Variants in GUCY2D observed in about 807,000 individuals in gnomAD.
The protein encoded by GUCY2D is guanylate cyclase 2D, retinal.
GUCY2D carries 70 observed loss-of-function variants against 101.3 expected under a neutral mutation model. That is an observed-to-expected ratio of 0.69 (90% CI 0.57 to 0.84). GUCY2D has a LOEUF of 0.84. GUCY2D is among the 40% of genes least tolerant of loss of function. The pLI is 0.00. For missense variants in GUCY2D, 1,460 were observed against 1,542.5 expected (o/e 0.95, Z 0.90); for synonymous variants, 688 against 670.7 (o/e 1.03, Z -0.40).
At chr17:8,003,802 T>C in intron 2 of GUCY2D, 34 bp downstream of exon 2, 1 of 1,603,212 alleles carries the variant, frequency 6.2e-7, no homozygotes, top group Non-Finnish European at 8.5e-7. Flanking sequence ...GGAGGTCGGC[T>C]GGTCCTGCCG....
At chr17:8,020,072 C>T (rs1317983188) in intron 19 of GUCY2D, 56 bp from the exon 20 acceptor site, 2 of 150,064 alleles carry the variant, frequency 1.3e-5, no homozygotes, top group African/African-American at 2.5e-5. Flanking sequence ...CAGCGTGTCC[C>T]GGGGCTCACC....
Position 8,002,748 on chromosome 17 carries a change from G to A in GUCY2D, c.-10+14G>A. ...CCGGACTTCCCTGTAAATGTCAGAG[G>A]CCCCTCCGCTGGGATAGGGTCGGTC... is the stretch of plus-strand genomic sequence containing the variant. On this transcript the variant is annotated intron_variant, in intron 1 of 19. Coordinates refer to ENST00000254854, the MANE Select transcript of GUCY2D (RefSeq NM_000180.4). This position sits in a 1 kb window ranked among gnomAD's most constrained non-coding sequence, Gnocchi z 4.9. 1 of 376,666 alleles carries A rather than the reference G, an allele frequency of 2.7e-6. No individual in the cohort carries two copies. The allele number at this position is 376,666 out of a possible 1,614,324, so 23.3% of individuals were successfully genotyped here. A position where few individuals can be genotyped will look rare whatever the true frequency, so the allele number is the denominator to read the frequency against.
intron 8 of GUCY2D, 38 bp downstream of exon 8, chr17:8,009,624 C>T (rs752758326): frequency 3.8e-6 from 5 of 1,315,704 alleles, no homozygotes; most frequent in East Asian, 2.3e-5. Context: ...AGGTGGCCAT[C>T]GGTTTCTCCC....
At position 8,003,932 on chromosome 17, in the gene GUCY2D, C is replaced by A. The variant is rs780014587; in HGVS notation, c.802C>A (p.Leu268Met). ...YLLEAAEELG[L>M]TDGSLVFLPF... ...CCTGGAGGCCGCAGAGGAGCTGGGCCTGACCGATGGCTCCCTGGTCTTCCT... is the reference window on the plus strand; with the variant it reads ...CCTGGAGGCCGCAGAGGAGCTGGGCATGACCGATGGCTCCCTGGTCTTCCT... Residue 268 changes from leucine to methionine, a missense_variant, in exon 3 of 20, where the codon CTG becomes ATG. This residue lies in a region of GUCY2D where 1,196 missense variants were observed against 1,229.6 expected (regional missense o/e 0.97). Transcript: ENST00000254854. The A allele has an allele frequency of 3.3e-5, 53 of 1,613,598 alleles. No homozygotes were observed. The highest frequency in any genetic ancestry group is 4.1e-5 in the Non-Finnish European group (48 of 1,179,886).
Position 8,003,417 on chromosome 17 carries a change from C to A in GUCY2D, c.370C>A (p.Leu124Ile). The change falls in exon 2 of 20, where the codon CTC becomes ATC. Residue 124 changes from leucine to isoleucine, a missense_variant. By Grantham distance (5) the Leu-to-Ile change is conservative. This residue lies in a region of GUCY2D where 1,196 missense variants were observed against 1,229.6 expected (regional missense o/e 0.97). Coordinates refer to ENST00000254854, the MANE Select transcript of GUCY2D (RefSeq NM_000180.4). ...VSSALARVSGLVGPVNPAACR... is the reference protein window; with the variant it reads ...VSSALARVSGIVGPVNPAACR... ...CTCCGCGCTGGCCCGCGTGTCGGGC[C>A]TCGTGGGTCCGGTGAACCCTGCGGC... is the stretch of plus-strand genomic sequence containing the variant. 1.3e-6 allele frequency: 2 copies of A among 1,503,444 alleles called. No individual in the cohort carries two copies. Among genetic ancestry groups the A allele is most frequent in the East Asian group, 5.4e-5 (2 of 36,946 alleles). The allele number at this position is 1,503,444 out of a possible 1,614,324, so 93.1% of individuals were successfully genotyped here.
chr17:8,006,490 C>A lies in GUCY2D; in HGVS notation c.1154C>A (p.Ala385Glu). The A allele has an allele frequency of 1.9e-6, 3 of 1,608,070 alleles. No individual in the cohort carries two copies. The African/African-American group carries it at 4.0e-5, about 21-fold the overall frequency. ...GCTGTGGCCCGCCACATCCGGGATG[C>A]GCAGGTCCCTGGCTTCTGCGGGGAC... ...GAAVARHIRD[A>E]QVPGFCGDLG... The change falls in exon 4 of 20, where the codon GCG becomes GAG. Residue 385 changes from alanine to glutamate, a missense_variant. This residue lies in a region of GUCY2D where 1,196 missense variants were observed against 1,229.6 expected (regional missense o/e 0.97). Transcript: ENST00000254854.
chr17:8,010,808 CAAAAAAAAA>C (rs566986521), intron 8 of GUCY2D, among the ~76,000 whole-genome samples: 44 of 71,694 alleles, frequency 6.1e-4, no homozygotes, highest in Non-Finnish European at 9.1e-4. Flanking sequence ...GATTCCGTCT[CAAAAAAAAA>C]AAAAAAAAAG....
chr17:8,004,047 A>T lies in GUCY2D; in HGVS notation c.917A>T (p.Asp306Val). Residue 306 changes from aspartate to valine, a missense_variant, in exon 3 of 20, where the codon GAT becomes GTT. Coordinates refer to ENST00000254854, the MANE Select transcript of GUCY2D (RefSeq NM_000180.4). Reference protein sequence around the residue: ...ANSSQLRRAHDAVLTLTRHCP... With the variant: ...ANSSQLRRAHVAVLTLTRHCP... ...AGCTCCCAGCTTCGCAGGGCCCACG[A>T]TGCCGTGCTCACCCTCACGCGCCAC... The T allele has an allele frequency of 6.2e-7, 1 of 1,610,212 alleles. No individual in the cohort carries two copies. The highest frequency in any genetic ancestry group is 8.5e-7 in the Non-Finnish European group (1 of 1,179,902).
At chr17:8,015,290 G>C in intron 14 of GUCY2D, 38 bp from the exon 15 acceptor site, 1 of 1,583,814 alleles carries the variant, frequency 6.3e-7, no homozygotes, top group East Asian at 2.2e-5. Flanking sequence ...CGGGGGGAAT[G>C]CTCAAAAGAA....
At position 8,015,821 on chromosome 17, in the gene GUCY2D, G is replaced by T. The variant is rs765914203; in HGVS notation, c.3023G>T (p.Arg1008Leu). ...LFGDTVNTASRMESTGLPYRI... is the reference protein window; with the variant it reads ...LFGDTVNTASLMESTGLPYRI... ...GGGGACACGGTCAACACCGCCTCGC[G>T]CATGGAGTCCACCGGGCTGCGTGAG... The change falls in exon 16 of 20, where the codon CGC (arginine) becomes CTC (leucine). Residue 1008 changes from arginine to leucine, a missense_variant. This residue lies in a region of GUCY2D where 215 missense variants were observed against 227.9 expected (regional missense o/e 0.94). Coordinates refer to ENST00000254854, the MANE Select transcript of GUCY2D (RefSeq NM_000180.4). The T allele has an allele frequency of 2.5e-6, 4 of 1,612,144 alleles. No homozygotes were observed. The highest frequency in any genetic ancestry group is 3.4e-6 in the Non-Finnish European group (4 of 1,179,252).
chr17:8,009,459 G>A (rs745306850), intron 7 of GUCY2D, 47 bp from the exon 8 acceptor site: 1 of 1,214,428 alleles, frequency 8.2e-7, no homozygotes, highest in Non-Finnish European at 1.2e-6. Flanking sequence ...TCCCCATCGT[G>A]GGATTTTAAG....
At position 8,013,060 on chromosome 17, in the gene GUCY2D, G is replaced by T. The variant is rs1447731847; in HGVS notation, c.2114-43G>T. On this transcript the variant is annotated intron_variant, in intron 10 of 19. Coordinates refer to ENST00000254854, the MANE Select transcript of GUCY2D (RefSeq NM_000180.4). This position sits in a 1 kb window ranked among gnomAD's most constrained non-coding sequence, Gnocchi z 5.0. ...AACCTGGGCTTTCTGGTGAGGGTGG[G>T]AGTCTTTCCCCAGCGGCGCCTCAGC... 2 of 1,593,364 alleles carry T rather than the reference G, an allele frequency of 1.3e-6. No homozygotes were observed. The highest frequency in any genetic ancestry group is 1.7e-5 in the Admixed American group (1 of 59,812).
Position 8,014,835 on chromosome 17 carries a change from G to C in GUCY2D, c.2577-24G>C, listed in dbSNP as rs1425352180. The C allele has an allele frequency of 1.9e-6, 3 of 1,613,806 alleles. No individual in the cohort carries two copies. Among genetic ancestry groups the C allele is most frequent in the Non-Finnish European group, 2.5e-6 (3 of 1,179,788 alleles). On this transcript the variant is annotated intron_variant, in intron 13 of 19. Coordinates refer to ENST00000254854, the MANE Select transcript of GUCY2D (RefSeq NM_000180.4). This position sits in a 1 kb window ranked among gnomAD's most constrained non-coding sequence, Gnocchi z 4.0. ...CAGCCAGGTAGAGTGGCCCCCAGGT[G>C]ACCTCACTGCCTGCCATCCCTAGGT...
intron 3 of GUCY2D, 52 bp from the exon 4 acceptor site, chr17:8,006,311 T>C (rs1332814700): frequency 7.2e-7 from 1 of 1,381,192 alleles, no homozygotes. Context: ...AAGAATCTGG[T>C]CTGTCTGTGG....
rs1340479662 is a variant in GUCY2D, at chr17:8,003,106, C to T, written c.59C>T (p.Ala20Val). 7 of 1,522,558 alleles carry T rather than the reference C, an allele frequency of 4.6e-6. No individual in the cohort carries two copies. In the East Asian group the frequency reaches 1.5e-4, roughly 33 times the overall value. 94.3% of individuals were successfully genotyped at this position (1,522,558 alleles called of 1,614,324 possible). A position where few individuals can be genotyped will look rare whatever the true frequency, so the allele number is the denominator to read the frequency against. The change falls in exon 2 of 20, where the codon GCG (alanine) becomes GTG (valine). Residue 20 changes from alanine to valine, a missense_variant. By Grantham distance (64) the Ala-to-Val change is moderately conservative. Around this residue, in one of 3 missense-constraint regions of GUCY2D, gnomAD observed 1,196 missense variants for 1,229.6 expected, o/e 0.97. Coordinates refer to ENST00000254854, the MANE Select transcript of GUCY2D (RefSeq NM_000180.4). Reference protein sequence around the residue: ...GLPDPGLCGPAWWAPSLPRLP... With the variant: ...GLPDPGLCGPVWWAPSLPRLP... ...CCGGACCCCGGGCTCTGCGGTCCCG[C>T]GTGGTGGGCTCCGTCCCTGCCCCGC...
In GUCY2D at chr17:8,006,720, G is replaced by A. The variant is rs1975751345; in HGVS notation, c.1378+6G>A. 1 of 1,592,856 alleles carries A rather than the reference G, an allele frequency of 6.3e-7. No individual in the cohort carries two copies. On this transcript the variant is annotated splice_donor_region_variant and intron_variant, in intron 4 of 19. Coordinates refer to ENST00000254854, the MANE Select transcript of GUCY2D (RefSeq NM_000180.4). ...AAACAACATCTGCGGTGGAGGTGAG[G>A]GCGAGCACCCCAGTCCCCACTGAGA...
In GUCY2D at chr17:8,016,002, G is replaced by A. The variant is rs1162194690; in HGVS notation, c.3119G>A (p.Arg1040Gln). The A allele has an allele frequency of 3.1e-6, 5 of 1,609,200 alleles. No homozygotes were observed. Among genetic ancestry groups the A allele is most frequent in the Non-Finnish European group, 4.2e-6 (5 of 1,178,348 alleles). ...ALDSGYQVEL[R>Q]GRTELKGKGA... Reference sequence around the variant, plus strand: ...GACTCGGGCTACCAGGTGGAGCTGCGAGGCCGCACGGAGCTGAAGGTGAGG... The same window carrying A: ...GACTCGGGCTACCAGGTGGAGCTGCAAGGCCGCACGGAGCTGAAGGTGAGG... Residue 1040 changes from arginine to glutamine, a missense_variant, in exon 17 of 20, where the codon CGA becomes CAA. Coordinates refer to ENST00000254854, the MANE Select transcript of GUCY2D (RefSeq NM_000180.4).
chr17:8,002,992 G>C lies in GUCY2D; in HGVS notation c.-9-47G>C, dbSNP rs1975654810. 1.4e-6 allele frequency: 2 copies of C among 1,426,088 alleles called. No homozygotes were observed. The highest frequency in any genetic ancestry group is 2.9e-5 in the African/African-American group (2 of 68,798). 88.3% of individuals were successfully genotyped at this position (1,426,088 alleles called of 1,614,324 possible). A position where few individuals can be genotyped will look rare whatever the true frequency, so the allele number is the denominator to read the frequency against. ...TCGGGGTTACGGGGAGAACCCTAGG[G>C]GAGGCCGGGGTCTCAGTCGCTCAGC... is the stretch of plus-strand genomic sequence containing the variant. On this transcript the variant is annotated intron_variant, in intron 1 of 19. Transcript: ENST00000254854. The surrounding 1 kb of genome is among the most constrained non-coding windows in gnomAD (Gnocchi z 4.9).
Position 8,006,484 on chromosome 17 carries a change from G to A in GUCY2D, c.1148G>A (p.Arg383Gln), listed in dbSNP as rs373827556. 3.0e-5 allele frequency: 49 copies of A among 1,607,540 alleles called. No individual in the cohort carries two copies. Among genetic ancestry groups the A allele is most frequent in the Non-Finnish European group, 3.6e-5 (43 of 1,179,970 alleles). Residue 383 changes from arginine to glutamine, a missense_variant, in exon 4 of 20, where the codon CGG (arginine) becomes CAG (glutamine). By Grantham distance (43) the Arg-to-Gln change is conservative. Transcript: ENST00000254854. The stretch of plus-strand genomic sequence containing the variant: ...GGAGCAGCTGTGGCCCGCCACATCC[G>A]GGATGCGCAGGTCCCTGGCTTCTGC... ...VSGAAVARHI[R>Q]DAQVPGFCGD...
Sources: allele counts gnomAD v4.1 joint callset (sites outside exome capture counted in the v4.1 genomes callset), GRCh38; gene constraint gnomAD v4.1.1; regional missense constraint gnomAD v4.1.1; non-coding constraint Gnocchi (gnomAD v3.1); transcripts MANE v1.5; gene names NCBI Gene and HGNC (gene_info 2026-07-23, HGNC 2026-07-21).